Variants in CPNE4 observed in about 807,000 individuals in gnomAD.
CPNE4 encodes the protein copine 4.
CPNE4 carries 25 observed loss-of-function variants against 67.9 expected under a neutral mutation model. That is an observed-to-expected ratio of 0.37 (90% CI 0.27 to 0.51). The LOEUF is 0.51. Ranked by LOEUF, CPNE4 falls within the 20% of genes least tolerant of loss-of-function variation. The probability of loss-of-function intolerance (pLI) is 0.93; values close to 1 mark genes in which losing one functional copy is unlikely to be tolerated. For missense variants in CPNE4, 464 were observed against 690.8 expected (o/e 0.67, Z 3.68); for synonymous variants, 242 against 244.9 (o/e 0.99, Z 0.11).
chr3:131,863,962 A>T, intron 2 of CPNE4, among the ~76,000 whole-genome samples: 1 of 152,186 alleles, frequency 6.6e-6, no homozygotes, highest in Non-Finnish European at 1.5e-5. Flanking sequence ...TTAAATAGGG[A>T]ATCCTTTCCT....
rs117690988 is a variant in CPNE4, at chr3:132,013,301, G to A, written c.-2+21266C>T. 2.2e-3 allele frequency among the ~76,000 whole-genome samples: 334 copies of A among 152,024 alleles called. 4 individuals carry two copies. In the East Asian group the frequency reaches 0.051, roughly 23 times the overall value. On this transcript the variant is annotated intron_variant, in intron 1 of 15. Transcript: ENST00000429747. Reference sequence around the variant, plus strand: ...TACATTGAGTTAAACCTGAATAACCGGAAGTTTTATTTTGTTTTTGTTGTT... The same window carrying A: ...TACATTGAGTTAAACCTGAATAACCAGAAGTTTTATTTTGTTTTTGTTGTT...
intron 2 of CPNE4, among the ~76,000 whole-genome samples, chr3:131,841,084 C>G (rs911700767): frequency 6.6e-6 from 1 of 152,154 alleles, no homozygotes; most frequent in African/African-American, 2.4e-5. Context: ...TAGACAGAAC[C>G]ATCAAGCCAC....
intron 1 of CPNE4, among the ~76,000 whole-genome samples, chr3:132,014,520 T>C (rs1122857): frequency 0.23 from 35,683 of 152,094 alleles, 4,396 homozygotes; most frequent in East Asian, 0.39. Flanking sequence ...CTTGATTTTT[T>C]CCTCCTCAGT....
intron 7 of CPNE4, among the ~76,000 whole-genome samples, chr3:131,650,817 A>T (rs2079799364): frequency 6.6e-6 from 1 of 151,480 alleles, no homozygotes; most frequent in Non-Finnish European, 1.5e-5. Context: ...CTATATTAGT[A>T]TAATAGTAAA....
chr3:131,812,495 A>G (rs142248601), intron 2 of CPNE4, among the ~76,000 whole-genome samples: 1 of 152,334 alleles, frequency 6.6e-6, no homozygotes, highest in African/African-American at 2.4e-5. Context: ...AGCTCAAAGC[A>G]CACTTCCCAC....
intron 2 of CPNE4, among the ~76,000 whole-genome samples, chr3:131,870,401 G>A (rs1333157812): frequency 6.6e-6 from 1 of 152,156 alleles, no homozygotes; most frequent in African/African-American, 2.4e-5. Flanking sequence ...ACGATATGAG[G>A]GCTTTAGCTG....
intron 7 of CPNE4, among the ~76,000 whole-genome samples, chr3:131,646,486 A>AC (rs2079667273): frequency 1.3e-5 from 2 of 152,114 alleles, no homozygotes; most frequent in South Asian, 4.2e-4. Flanking sequence ...CTCCTCAAAA[A>AC]ACCTCCCCCA....
At position 131,792,708 on chromosome 3, in the gene CPNE4, C is replaced by CACGT. The variant is rs1560323065; in HGVS notation, c.181-69084_181-69083insACGT. On this transcript the variant is annotated intron_variant, in intron 2 of 15. Transcript: ENST00000429747. ...ACGTGTATATATACATATACACACA[C>CACGT]GTGTATATATGTATATATATACACG... Among the ~76,000 whole-genome samples the CACGT allele has an allele frequency of 9.8e-4, 66 of 67,232 alleles. 4 individuals are homozygous for CACGT. The Middle Eastern group carries it at 0.033, about 34-fold the overall frequency. 44.1% of individuals were successfully genotyped at this position (67,232 alleles called of 152,430 possible).
chr3:131,957,550 C>T (rs1040342942), intron 1 of CPNE4, among the ~76,000 whole-genome samples: 50 of 152,284 alleles, frequency 3.3e-4, no homozygotes, highest in African/African-American at 1.0e-3. Flanking sequence ...AATTCTAATG[C>T]GAGCCTTTCA....
intron 2 of CPNE4, among the ~76,000 whole-genome samples, chr3:131,888,630 G>A (rs375721909): frequency 2.0e-5 from 3 of 152,270 alleles, no homozygotes; most frequent in African/African-American, 4.8e-5. Flanking sequence ...GGGGGACAAC[G>A]TTGGCACAGA....
intron 1 of CPNE4, among the ~76,000 whole-genome samples, chr3:131,925,858 G>C (rs1482561856): frequency 6.6e-6 from 1 of 152,100 alleles, no homozygotes; most frequent in East Asian, 1.9e-4. Flanking sequence ...TTGGTGACTA[G>C]TCACCATATT....
At chr3:131,924,173 G>A (rs1163998305) in intron 1 of CPNE4, among the ~76,000 whole-genome samples, 3 of 152,198 alleles carry the variant, frequency 2.0e-5, no homozygotes, top group Admixed American at 1.3e-4. Flanking sequence ...GCTAACGATA[G>A]CCACATGACA....
At chr3:131,861,994 C>T (rs1270076787) in intron 2 of CPNE4, among the ~76,000 whole-genome samples, 1 of 152,160 alleles carries the variant, frequency 6.6e-6, no homozygotes, top group Non-Finnish European at 1.5e-5. Context: ...CATCATCTCC[C>T]TACTCAGGAT....
intron 2 of CPNE4, among the ~76,000 whole-genome samples, chr3:131,818,338 G>A (rs1384161718): frequency 6.6e-6 from 1 of 152,194 alleles, no homozygotes; most frequent in Non-Finnish European, 1.5e-5. Context: ...GAGACATCCA[G>A]TGGAGTCATC....
intron 1 of CPNE4, among the ~76,000 whole-genome samples, chr3:131,952,532 C>T (rs1261520285): frequency 1.0e-5 from 1 of 98,388 alleles, no homozygotes; most frequent in Non-Finnish European, 2.7e-5. Flanking sequence ...GGGGCGTCAG[C>T]CTCCCGCCCG....
At chr3:132,012,090 G>A (rs2073778672) in intron 1 of CPNE4, among the ~76,000 whole-genome samples, 1 of 151,536 alleles carries the variant, frequency 6.6e-6, no homozygotes, top group African/African-American at 2.4e-5. Flanking sequence ...TTTTGCCATT[G>A]TAGCACAAAA....
intron 2 of CPNE4, among the ~76,000 whole-genome samples, chr3:131,747,116 A>C (rs1195296383): frequency 2.6e-5 from 1 of 39,088 alleles, no homozygotes; most frequent in Non-Finnish European, 5.3e-5. Context: ...TTTTAAAATC[A>C]TGTTTTTTTT....
At chr3:131,618,609 T>C (rs1940294174) in intron 7 of CPNE4, among the ~76,000 whole-genome samples, 1 of 152,180 alleles carries the variant, frequency 6.6e-6, no homozygotes, top group South Asian at 2.1e-4. Flanking sequence ...CAGTTTAAGG[T>C]AGAATGTGTT....
At chr3:131,633,759 C>CTT (rs560803911) in intron 7 of CPNE4, among the ~76,000 whole-genome samples, 1,558 of 150,534 alleles carry the variant, frequency 0.01, 25 homozygotes, top group African/African-American at 0.036. Context: ...TTCAATGTAA[C>CTT]TTTTTTATTT....
Sources: gnomAD v4.1 joint callset for allele counts (sites outside exome capture counted in the v4.1 genomes callset) on GRCh38, gnomAD v4.1.1 for gene constraint, MANE v1.5 for transcripts, NCBI Gene and HGNC (gene_info 2026-07-23, HGNC 2026-07-21) for gene names.